The following SLC2A12 variants were observed in gnomAD, a reference collection of about 807,000 sequenced individuals.
SLC2A12 encodes solute carrier family 2, facilitated glucose transporter member 12.
SLC2A12 carries 23 observed loss-of-function variants against 41.8 expected under a neutral mutation model. The ratio of observed to expected loss-of-function variants is 0.55; its 90% CI spans 0.40 to 0.78. The LOEUF (loss-of-function observed/expected upper bound fraction) is 0.78. Among genes scored for constraint, SLC2A12 ranks in the 30% least tolerant of loss-of-function variants. The probability of loss-of-function intolerance (pLI) is 0.00; values close to 1 mark genes in which losing one functional copy is unlikely to be tolerated. For missense variants in SLC2A12, 654 were observed against 745.6 expected (o/e 0.88, Z 1.43); for synonymous variants, 295 against 285.9 (o/e 1.03, Z -0.32).
Position 133,989,539 on chromosome 6 carries a change from A to T in SLC2A12, c.*1616T>A, listed in dbSNP as rs982243375. 6.6e-6 allele frequency: 1 copy of T among 152,176 alleles called. No individual in the cohort carries two copies. Among genetic ancestry groups the T allele is most frequent in the African/African-American group, 2.4e-5 (1 of 41,444 alleles). The allele number at this position is 152,176 out of a possible 1,614,324, so 9.4% of individuals were successfully genotyped here. ...CAGAACACACTTCCCTTCTCTTTCC[A>T]AAAACAAAAAACAATGCATGCTCTG... is the stretch of plus-strand genomic sequence containing the variant. On this transcript the variant is annotated 3_prime_UTR_variant, in exon 5 of 5. Transcript: ENST00000275230.
chr6:134,034,650 C>T (rs1349965580), intron 1 of SLC2A12, among the ~76,000 whole-genome samples: 4 of 152,112 alleles, frequency 2.6e-5, no homozygotes, highest in East Asian at 3.9e-4. Flanking sequence ...TGGCAGTGAA[C>T]AGGAAGCAAG....
intron 2 of SLC2A12, among the ~76,000 whole-genome samples, chr6:134,018,422 G>A (rs1359936914): frequency 6.6e-6 from 1 of 152,104 alleles, no homozygotes; most frequent in Non-Finnish European, 1.5e-5. Flanking sequence ...TTCAAGGCCA[G>A]GCAGTCCAAT....
At chr6:134,026,179 T>A (rs1187687090) in intron 2 of SLC2A12, among the ~76,000 whole-genome samples, 1 of 152,218 alleles carries the variant, frequency 6.6e-6, no homozygotes, top group Non-Finnish European at 1.5e-5. Context: ...GACTCTTAGC[T>A]AATCTTGACA....
intron 4 of SLC2A12, among the ~76,000 whole-genome samples, chr6:133,994,774 G>A (rs544773791): frequency 1.3e-5 from 2 of 152,254 alleles, no homozygotes; most frequent in Admixed American, 6.5e-5. Context: ...GGCTGGTGAG[G>A]GTGATAGAGA....
chr6:134,001,359 A>T (rs1173241841), intron 4 of SLC2A12, among the ~76,000 whole-genome samples: 3 of 152,208 alleles, frequency 2.0e-5, no homozygotes, highest in Non-Finnish European at 4.4e-5. Context: ...GAAGATTCAC[A>T]TCCTCTGTAC....
At chr6:134,009,282 G>C (rs2114437194) in intron 2 of SLC2A12, 1 of 152,346 alleles carries the variant, frequency 6.6e-6, no homozygotes, top group South Asian at 2.1e-4. Context: ...TCAGTGAGCA[G>C]TGAGTTGAAT....
intron 3 of SLC2A12, 83 bp downstream of exon 3, chr6:134,006,729 A>C: frequency 1.3e-6 from 2 of 1,544,596 alleles, no homozygotes; most frequent in Non-Finnish European, 1.8e-6. Flanking sequence ...TTTCCACGAA[A>C]AAATGGTCTT....
In SLC2A12 at chr6:134,029,477, C is replaced by A; in HGVS notation, c.348G>T (p.Leu116=). 1 of 1,614,158 alleles carries A rather than the reference C, an allele frequency of 6.2e-7. No individual in the cohort carries two copies. The highest frequency in any genetic ancestry group is 1.3e-5 in the African/African-American group (1 of 75,038). ...TCAAGACTAAGCTTCCGAGTCCAAG[C>A]AGGCAGGATGACAAGATGATTGCTG... ...RRTAIILSSC[L]LGLGSLVLIL... The change falls in exon 2 of 5, where the codon CTG becomes CTT. Residue 116 remains leucine, a synonymous_variant. Coordinates refer to ENST00000275230, the MANE Select transcript of SLC2A12 (RefSeq NM_145176.3).
At chr6:134,002,617 G>C (rs532598875) in intron 3 of SLC2A12, among the ~76,000 whole-genome samples, 8 of 152,152 alleles carry the variant, frequency 5.3e-5, no homozygotes, top group Admixed American at 1.3e-4. Flanking sequence ...CATTTTTAAT[G>C]ACATTTGTAC....
intron 1 of SLC2A12, among the ~76,000 whole-genome samples, chr6:134,039,342 C>G (rs934843223): frequency 3.3e-5 from 5 of 152,200 alleles, no homozygotes; most frequent in African/African-American, 4.8e-5. Context: ...TCTCAGCAAG[C>G]TCTATCTTCA....
At chr6:134,010,537 G>A (rs1562194000) in intron 2 of SLC2A12, among the ~76,000 whole-genome samples, 3 of 152,180 alleles carry the variant, frequency 2.0e-5, no homozygotes, top group South Asian at 2.1e-4. Context: ...TCAGCAATTC[G>A]TACTCTTACA....
intron 4 of SLC2A12, among the ~76,000 whole-genome samples, chr6:134,001,337 A>G (rs1776752199): frequency 6.6e-6 from 1 of 152,228 alleles, no homozygotes; most frequent in African/African-American, 2.4e-5. Flanking sequence ...GATAGTTTTA[A>G]TCAGTAGCAC....
chr6:134,040,559 A>G (rs773795592), intron 1 of SLC2A12, among the ~76,000 whole-genome samples: 9 of 152,314 alleles, frequency 5.9e-5, no homozygotes, highest in Admixed American at 2.6e-4. Context: ...CGTTTCCTCA[A>G]AGGATTGTCT....
At chr6:133,991,370 G>A in intron 4 of SLC2A12, 62 bp from the exon 5 acceptor site, 2 of 1,553,048 alleles carry the variant, frequency 1.3e-6, no homozygotes, top group African/African-American at 1.4e-5. Flanking sequence ...AAAATGTGTA[G>A]GCTATTATTT....
At chr6:134,011,020 G>C (rs1776874727) in intron 2 of SLC2A12, among the ~76,000 whole-genome samples, 1 of 152,116 alleles carries the variant, frequency 6.6e-6, no homozygotes, top group Non-Finnish European at 1.5e-5. Flanking sequence ...TGGCATGCTA[G>C]CCCAGGGTTT....
Position 134,016,997 on chromosome 6 carries a change from A to C in SLC2A12, c.1445-10063T>G, listed in dbSNP as rs1054088751. 3.0e-3 allele frequency among the ~76,000 whole-genome samples: 452 copies of C among 152,282 alleles called. 1 individual carries two copies. The highest frequency in any genetic ancestry group is 9.8e-3 in the African/African-American group (406 of 41,572). On this transcript the variant is annotated intron_variant, in intron 2 of 4. Coordinates refer to ENST00000275230, the MANE Select transcript of SLC2A12 (RefSeq NM_145176.3). ...ATTTCCTCCAATCTTTTTGGTAAAA[A>C]GTTTAAATACATTCAATTACATGAA...
intron 4 of SLC2A12, among the ~76,000 whole-genome samples, chr6:133,991,627 A>C (rs935396783): frequency 6.6e-6 from 1 of 152,162 alleles, no homozygotes; most frequent in Admixed American, 6.5e-5. Context: ...TCCATTTCTC[A>C]AACTCCAGCA....
chr6:133,992,069 A>C (rs373712205), intron 4 of SLC2A12, among the ~76,000 whole-genome samples: 2 of 152,254 alleles, frequency 1.3e-5, no homozygotes, highest in African/African-American at 4.8e-5. Context: ...TAGGGAGGGA[A>C]CTCCTGCAGA....
intron 4 of SLC2A12, among the ~76,000 whole-genome samples, chr6:133,995,161 A>G (rs1776671599): frequency 6.6e-6 from 1 of 152,242 alleles, no homozygotes; most frequent in African/African-American, 2.4e-5. Context: ...TACCCAAGAA[A>G]TAGGGCAAAA....
Sources: gnomAD v4.1 joint callset for allele counts (sites outside exome capture counted in the v4.1 genomes callset) on GRCh38, gnomAD v4.1.1 for gene constraint, MANE v1.5 for transcripts, NCBI Gene and HGNC (gene_info 2026-07-23, HGNC 2026-07-21) for gene names.